The following LRRTM4 variants were observed in gnomAD, a reference collection of about 807,000 sequenced individuals.
The protein encoded by LRRTM4 is leucine-rich repeat transmembrane neuronal protein 4.
A neutral mutation model predicts 47.6 loss-of-function variants in LRRTM4; 25 were observed. The ratio of observed to expected loss-of-function variants is 0.53; its 90% CI spans 0.38 to 0.73. The LOEUF is 0.73. Among genes scored for constraint, LRRTM4 ranks in the 30% least tolerant of loss-of-function variants. The pLI is 0.00. For synonymous variants in LRRTM4, 311 were observed against 269.5 expected (o/e 1.15, Z -1.51); for missense variants, 638 against 713.4 (o/e 0.89, Z 1.20).
intron 3 of LRRTM4, among the ~76,000 whole-genome samples, chr2:77,294,463 T>C (rs1443106915): frequency 1.3e-5 from 2 of 152,124 alleles, no homozygotes; most frequent in Non-Finnish European, 2.9e-5. Flanking sequence ...TTTAGAAAGG[T>C]CAATAAATTG....
chr2:76,942,018 G>A (rs953798452), intron 3 of LRRTM4, among the ~76,000 whole-genome samples: 1 of 152,150 alleles, frequency 6.6e-6, no homozygotes, highest in Non-Finnish European at 1.5e-5. Flanking sequence ...ACTGGAGAGA[G>A]ATGGTAACAC....
chr2:76,911,508 C>T (rs181449101), intron 3 of LRRTM4, among the ~76,000 whole-genome samples: 2 of 152,232 alleles, frequency 1.3e-5, no homozygotes, highest in Admixed American at 1.3e-4. Context: ...ATCAGAATTA[C>T]AGCTTTTTCT....
intron 3 of LRRTM4, among the ~76,000 whole-genome samples, chr2:76,916,384 C>CAAAAAAAAAAAAA (rs57874749): frequency 6.5e-4 from 35 of 53,494 alleles, no homozygotes; most frequent in South Asian, 1.2e-3. Context: ...GACTGTGTCT[C>CAAAAAAAAAAAAA]AAAAAAAAAA....
intron 3 of LRRTM4, among the ~76,000 whole-genome samples, chr2:77,141,594 C>T (rs1000728823): frequency 6.6e-6 from 1 of 152,148 alleles, no homozygotes; most frequent in Non-Finnish European, 1.5e-5. Flanking sequence ...ACGTTGTGCA[C>T]ATGTACCCTA....
chr2:76,872,456 G>A (rs958831509), intron 3 of LRRTM4, among the ~76,000 whole-genome samples: 1 of 151,948 alleles, frequency 6.6e-6, no homozygotes, highest in Non-Finnish European at 1.5e-5. Flanking sequence ...AACACCTCCA[G>A]GAAGCCATCT....
intron 3 of LRRTM4, among the ~76,000 whole-genome samples, chr2:77,102,056 T>A (rs1040086685): frequency 3.9e-5 from 6 of 152,234 alleles, no homozygotes; most frequent in Non-Finnish European, 8.8e-5. Context: ...AGTTACTATC[T>A]GTGTGTGCTG....
At chr2:77,089,278 A>T (rs554622622) in intron 3 of LRRTM4, among the ~76,000 whole-genome samples, 1 of 110,608 alleles carries the variant, frequency 9.0e-6, no homozygotes, top group South Asian at 3.1e-4. Flanking sequence ...GGGAGGGGGC[A>T]AGTACCCCTC....
At chr2:77,218,891 T>C (rs769400878) in intron 3 of LRRTM4, among the ~76,000 whole-genome samples, 7 of 152,060 alleles carry the variant, frequency 4.6e-5, no homozygotes, top group Non-Finnish European at 1.0e-4. Context: ...ACAAAAAAGA[T>C]TGGGTCTCAG....
chr2:76,986,909 A>G (rs897499970), intron 3 of LRRTM4, among the ~76,000 whole-genome samples: 1 of 151,938 alleles, frequency 6.6e-6, no homozygotes, highest in Admixed American at 6.6e-5. Context: ...TTCAATTTGC[A>G]TGGTAACTGA....
intron 3 of LRRTM4, among the ~76,000 whole-genome samples, chr2:77,214,322 AT>A (rs1452897802): frequency 6.6e-6 from 1 of 152,158 alleles, no homozygotes; most frequent in Non-Finnish European, 1.5e-5. Flanking sequence ...AGTCATCTGG[AT>A]TCTCTACTTT....
chr2:76,873,504 GTGTATATATA>G (rs1672691443), intron 3 of LRRTM4, among the ~76,000 whole-genome samples: 3 of 73,198 alleles, frequency 4.1e-5, no homozygotes, highest in Admixed American at 1.9e-4. Flanking sequence ...ATATATATGT[GTGTATATATA>G]TATATATATA....
chr2:77,176,999 A>T (rs1673215959), intron 3 of LRRTM4, among the ~76,000 whole-genome samples: 1 of 152,178 alleles, frequency 6.6e-6, no homozygotes, highest in Non-Finnish European at 1.5e-5. Flanking sequence ...ATGGTCTGAA[A>T]AAGGGAACAA....
chr2:77,238,461 C>T (rs1241201745), intron 3 of LRRTM4, among the ~76,000 whole-genome samples: 1 of 151,982 alleles, frequency 6.6e-6, no homozygotes, highest in Non-Finnish European at 1.5e-5. Context: ...GCATACCGTG[C>T]CTTCCTAATA....
intron 3 of LRRTM4, among the ~76,000 whole-genome samples, chr2:76,925,701 C>G (rs990369966): frequency 3.3e-5 from 5 of 152,088 alleles, no homozygotes; most frequent in Non-Finnish European, 7.4e-5. Context: ...TCTTAAATGT[C>G]TCACTAACAC....
intron 3 of LRRTM4, among the ~76,000 whole-genome samples, chr2:77,134,658 T>C (rs1016281905): frequency 5.9e-5 from 9 of 152,302 alleles, no homozygotes; most frequent in Non-Finnish European, 1.3e-4. Context: ...TTTTAGTTCT[T>C]ACTTTCCTGT....
intron 3 of LRRTM4, among the ~76,000 whole-genome samples, chr2:77,135,583 T>C (rs1671914074): frequency 6.6e-6 from 1 of 152,224 alleles, no homozygotes; most frequent in Non-Finnish European, 1.5e-5. Flanking sequence ...CTTATTACAA[T>C]GACTCATTCT....
chr2:77,172,983 G>A (rs1022678549), intron 3 of LRRTM4, among the ~76,000 whole-genome samples: 1 of 152,144 alleles, frequency 6.6e-6, no homozygotes, highest in Non-Finnish European at 1.5e-5. Context: ...ACAAACATGG[G>A]ATTCCCCTGT....
chr2:77,371,823 C>T (rs544599328), intron 3 of LRRTM4, among the ~76,000 whole-genome samples: 1 of 151,804 alleles, frequency 6.6e-6, no homozygotes, highest in Non-Finnish European at 1.5e-5. Flanking sequence ...AAATGTGCTC[C>T]ACGGTAAATG....
intron 3 of LRRTM4, among the ~76,000 whole-genome samples, chr2:77,085,174 GCTA>G (rs1680668194): frequency 6.6e-6 from 1 of 151,830 alleles, no homozygotes; most frequent in South Asian, 2.1e-4. Flanking sequence ...AATATTTTAG[GCTA>G]CTATTGGTCT....
Sources: gnomAD v4.1 joint callset for allele counts (sites outside exome capture counted in the v4.1 genomes callset) on GRCh38, gnomAD v4.1.1 for gene constraint, MANE v1.5 for transcripts, NCBI Gene and HGNC (gene_info 2026-07-23, HGNC 2026-07-21) for gene names.